Variants in RBBP9 observed in about 807,000 individuals in gnomAD.
RBBP9 encodes serine hydrolase RBBP9.
RBBP9 carries 20 observed loss-of-function variants against 24.2 expected under a neutral mutation model. The observed-to-expected ratio is 0.83, with a 90% CI of 0.58 to 1.20. The LOEUF (loss-of-function observed/expected upper bound fraction) is 1.20, where lower values mean the gene tolerates loss of function less well. RBBP9 is among the 50% of genes most tolerant of loss of function. The pLI is 0.00. For synonymous variants in RBBP9, 74 were observed against 84.6 expected (o/e 0.87, Z 0.69); for missense variants, 234 against 233.6 (o/e 1.00, Z -0.01).
chr20:18,491,934 T>C (rs1277936777), intron 3 of RBBP9, among the ~76,000 whole-genome samples: 2 of 151,678 alleles, frequency 1.3e-5, no homozygotes, highest in Admixed American at 1.3e-4. Flanking sequence ...CCGTCTCTAC[T>C]AAAAATACAA....
chr20:18,492,375 T>G (rs2059869487), intron 3 of RBBP9, among the ~76,000 whole-genome samples: 10 of 152,178 alleles, frequency 6.6e-5, no homozygotes. Flanking sequence ...TTTAAAATTT[T>G]TTTGTTTTAA....
intron 1 of RBBP9, 125 bp downstream of exon 1, chr20:18,496,944 G>T: frequency 1.4e-6 from 1 of 737,020 alleles, no homozygotes; most frequent in Non-Finnish European, 2.3e-6. Flanking sequence ...GCGGGGGAGA[G>T]GCAGGAAAAC....
Position 18,495,844 on chromosome 20 carries a change from C to G in RBBP9, c.136G>C (p.Asp46His), listed in dbSNP as rs1444081102. 1 of 1,568,880 alleles carries G rather than the reference C, an allele frequency of 6.4e-7. No individual in the cohort carries two copies. The highest frequency in any genetic ancestry group is 1.7e-5 in the Admixed American group (1 of 59,016). The change falls in exon 2 of 5, where the codon GAC becomes CAC. Residue 46 changes from aspartate to histidine, a missense_variant. By Grantham distance (81) the Asp-to-His change is moderately conservative (BLOSUM62 -1). Transcript: ENST00000337227. ...AAACAAGTTTAAAACTTACTTGGGT[C>G]GGGCATGTTTTTAGCCAAACACTGG... ...GFQCLAKNMP[D>H]PITARESIWL... is the part of the protein sequence containing the mutation.
chr20:18,494,317 GTAAGAAAATAC>G (rs1568587705), intron 2 of RBBP9, among the ~76,000 whole-genome samples: 1 of 99,750 alleles, frequency 1.0e-5, no homozygotes, highest in African/African-American at 4.1e-5. Context: ...CCATGTTCTT[GTAAGAAAATAC>G]TAAGGAAATA....
intron 3 of RBBP9, among the ~76,000 whole-genome samples, chr20:18,492,514 G>C (rs1424643510): frequency 6.6e-6 from 1 of 152,192 alleles, no homozygotes; most frequent in East Asian, 1.9e-4. Flanking sequence ...AGGTGATGCT[G>C]TGTCCTTCCC....
intron 3 of RBBP9, among the ~76,000 whole-genome samples, chr20:18,490,920 C>G (rs2059862800): frequency 6.6e-6 from 1 of 152,114 alleles, no homozygotes; most frequent in East Asian, 1.9e-4. Context: ...CTCAAATAAT[C>G]CACTCACCCC....
chr20:18,489,696 G>C lies in RBBP9; in HGVS notation c.*68C>G. 2 of 1,052,712 alleles carry C rather than the reference G, an allele frequency of 1.9e-6. No individual in the cohort carries two copies. Among genetic ancestry groups the C allele is most frequent in the East Asian group, 4.9e-5 (2 of 40,542 alleles). 65.2% of individuals were successfully genotyped at this position (1,052,712 alleles called of 1,614,324 possible). A position where few individuals can be genotyped will look rare whatever the true frequency, so the allele number is the denominator to read the frequency against. On this transcript the variant is annotated 3_prime_UTR_variant, in exon 5 of 5. Coordinates refer to ENST00000337227, the MANE Select transcript of RBBP9 (RefSeq NM_006606.3). ...CTTAACTGGATGTTCTATGTGTCTA[G>C]TAATCAGCTGATAGTAGATATTATT...
chr20:18,491,113 G>A (rs1023891917), intron 3 of RBBP9, among the ~76,000 whole-genome samples: 18 of 152,238 alleles, frequency 1.2e-4, no homozygotes, highest in African/African-American at 3.9e-4. Flanking sequence ...CTCAGACCCA[G>A]AGTCTCTGAT....
intron 3 of RBBP9, among the ~76,000 whole-genome samples, chr20:18,491,685 T>C (rs1239950480): frequency 6.6e-6 from 1 of 152,154 alleles, no homozygotes; most frequent in Non-Finnish European, 1.5e-5. Context: ...CACATAGTAG[T>C]AATAATTTCA....
Position 18,489,052 on chromosome 20 carries a change from G to C in RBBP9, c.*712C>G, listed in dbSNP as rs993444131. 6.6e-6 allele frequency: 1 copy of C among 151,764 alleles called. No homozygotes were observed. Among genetic ancestry groups the C allele is most frequent in the Non-Finnish European group, 1.5e-5 (1 of 67,982 alleles). 9.4% of individuals were successfully genotyped at this position (151,764 alleles called of 1,614,324 possible). On this transcript the variant is annotated 3_prime_UTR_variant, in exon 5 of 5. Coordinates refer to ENST00000337227, the MANE Select transcript of RBBP9 (RefSeq NM_006606.3). Reference sequence around the variant, plus strand: ...TTTCCACACAAAAAATCAGAAAATTGGCAACACTCTGCCCCATTTCCACAT... The same window carrying C: ...TTTCCACACAAAAAATCAGAAAATTCGCAACACTCTGCCCCATTTCCACAT...
In RBBP9 at chr20:18,488,971, G is replaced by GTGTGTGTATATA. The variant is rs35822681; in HGVS notation, c.*792_*793insTATATACACACA. 20 of 148,804 alleles carry GTGTGTGTATATA rather than the reference G, an allele frequency of 1.3e-4. No individual in the cohort carries two copies. The highest frequency in any genetic ancestry group is 2.2e-4 in the Non-Finnish European group (15 of 67,182). 9.2% of individuals were successfully genotyped at this position (148,804 alleles called of 1,614,324 possible). On this transcript the variant is annotated 3_prime_UTR_variant, in exon 5 of 5. Transcript: ENST00000337227. ...TATGTGTATGTGTGTGTGTGTGTGT[G>GTGTGTGTATATA]TATATATATATATATTTGCATTCCC...
intron 2 of RBBP9, among the ~76,000 whole-genome samples, chr20:18,495,052 C>A (rs967450334): frequency 2.0e-5 from 3 of 151,722 alleles, no homozygotes; most frequent in African/African-American, 7.3e-5. Flanking sequence ...AAGTGAGGAG[C>A]CCCTCTGTCC....
rs1304384984 is a variant in RBBP9, at chr20:18,489,002, T to G, written c.*762A>C. The G allele has an allele frequency of 6.6e-6, 1 of 151,656 alleles. No homozygotes were observed. The highest frequency in any genetic ancestry group is 1.5e-5 in the Non-Finnish European group (1 of 67,932). 9.4% of individuals were successfully genotyped at this position (151,656 alleles called of 1,614,324 possible). On this transcript the variant is annotated 3_prime_UTR_variant, in exon 5 of 5. Transcript: ENST00000337227. ...ATATATATATTTGCATTCCCCAAAT[T>G]TAAAAACTACAATTTGGAGATTTTT...
In RBBP9 at chr20:18,488,077, G is replaced by C. The variant is rs1600211165; in HGVS notation, c.*1687C>G. ...TTGTCTAAGCACATTTAAAAACCAA[G>C]ACTTTTGGTTTTGAGCGATAGCTCT... On this transcript the variant is annotated 3_prime_UTR_variant, in exon 5 of 5. Coordinates refer to ENST00000337227, the MANE Select transcript of RBBP9 (RefSeq NM_006606.3). The C allele has an allele frequency of 6.6e-6, 1 of 152,246 alleles. No homozygotes were observed. Among genetic ancestry groups the C allele is most frequent in the South Asian group, 2.1e-4 (1 of 4,828 alleles). 9.4% of individuals were successfully genotyped at this position (152,246 alleles called of 1,614,324 possible). A position where few individuals can be genotyped will look rare whatever the true frequency, so the allele number is the denominator to read the frequency against.
intron 2 of RBBP9, among the ~76,000 whole-genome samples, 185 bp from the exon 3 acceptor site, chr20:18,494,248 A>G (rs567916256): frequency 1.3e-4 from 19 of 151,224 alleles, no homozygotes; most frequent in Admixed American, 6.6e-5. Flanking sequence ...GAAAGATCCA[A>G]GTCCACAGTT....
Position 18,487,006 on chromosome 20 carries a change from G to A in RBBP9, c.*2758C>T, listed in dbSNP as rs1454346655. ...CCAAACAGAAGTAATTTCAAATTAA[G>A]TCACTTTTACTTTGTGCTATTACTC... On this transcript the variant is annotated 3_prime_UTR_variant, in exon 5 of 5. Coordinates refer to ENST00000337227, the MANE Select transcript of RBBP9 (RefSeq NM_006606.3). 6.6e-6 allele frequency: 1 copy of A among 152,212 alleles called. No individual in the cohort carries two copies. The allele number at this position is 152,212 out of a possible 1,614,324, so 9.4% of individuals were successfully genotyped here.
At chr20:18,496,011 G>C in intron 1 of RBBP9, 131 bp from the exon 2 acceptor site, 1 of 773,558 alleles carries the variant, frequency 1.3e-6, no homozygotes, top group South Asian at 1.9e-5. Context: ...AAATGAAGTA[G>C]GTTAAGTGAC....
At chr20:18,490,552 T>C in intron 3 of RBBP9, 72 bp from the exon 4 acceptor site, 1 of 1,140,906 alleles carries the variant, frequency 8.8e-7, no homozygotes, top group Non-Finnish European at 1.3e-6. Flanking sequence ...ATAAACTACT[T>C]AAAAACTCAT....
intron 1 of RBBP9, among the ~76,000 whole-genome samples, chr20:18,496,722 T>C (rs2059887996): frequency 6.6e-6 from 1 of 152,310 alleles, no homozygotes; most frequent in Non-Finnish European, 1.5e-5. Context: ...TTTAATTTTT[T>C]AAAAGCTGAA....
Sources: allele counts gnomAD v4.1 joint callset (sites outside exome capture counted in the v4.1 genomes callset), GRCh38; gene constraint gnomAD v4.1.1; transcripts MANE v1.5; gene names NCBI Gene and HGNC (gene_info 2026-07-23, HGNC 2026-07-21).